The following ARHGAP20 variants were observed in gnomAD, a reference collection of about 807,000 sequenced individuals.
ARHGAP20 encodes Rho GTPase activating protein 20.
In ARHGAP20, 34 loss-of-function variants were observed where a neutral mutation model predicts 73.7. The ratio of observed to expected loss-of-function variants is 0.46; its 90% CI spans 0.35 to 0.61. The LOEUF (loss-of-function observed/expected upper bound fraction) is 0.61, where lower values mean the gene tolerates loss of function less well. Among genes scored for constraint, ARHGAP20 ranks in the 20% least tolerant of loss-of-function variants. The pLI, the probability that ARHGAP20 is intolerant of heterozygous loss-of-function variation, is 0.00. For synonymous variants in ARHGAP20, 523 were observed against 518.2 expected, an observed-to-expected ratio of 1.01 and a Z score of -0.13; for missense variants, 1,314 against 1,420.9, an observed-to-expected ratio of 0.92 and a Z score of 1.21.
chr11:110,652,087 T>C (rs139055411), intron 2 of ARHGAP20, among the ~76,000 whole-genome samples: 237 of 152,260 alleles, frequency 1.6e-3, no homozygotes, highest in African/African-American at 5.1e-3. Flanking sequence ...ATTCAACATA[T>C]GCAAATTGAT....
At chr11:110,671,614 A>G (rs1423585308) in intron 2 of ARHGAP20, among the ~76,000 whole-genome samples, 1 of 152,154 alleles carries the variant, frequency 6.6e-6, no homozygotes, top group East Asian at 1.9e-4. Flanking sequence ...TCTACATTAA[A>G]GCTAATAGAA....
chr11:110,612,496 C>T (rs1948392697), intron 6 of ARHGAP20, among the ~76,000 whole-genome samples: 2 of 151,440 alleles, frequency 1.3e-5, no homozygotes, highest in South Asian at 2.1e-4. Flanking sequence ...CTATAGAGAT[C>T]GCTGAATTCC....
Position 110,703,087 on chromosome 11 carries a change from T to C in ARHGAP20, c.105+9040A>G, listed in dbSNP as rs116470825. Among the ~76,000 whole-genome samples the C allele has an allele frequency of 1.9e-3, 289 of 152,264 alleles. 1 individual carries two copies. Among genetic ancestry groups the C allele is most frequent in the African/African-American group, 6.6e-3 (276 of 41,558 alleles). ...GCTATCACAGCAAGGTTTTGACTACTAGGTAAGCTGAAGCTTCCTGCTATT... is the reference window on the plus strand; with the variant it reads ...GCTATCACAGCAAGGTTTTGACTACCAGGTAAGCTGAAGCTTCCTGCTATT... On this transcript the variant is annotated intron_variant, in intron 1 of 14. Coordinates refer to ENST00000683387, the MANE Select transcript of ARHGAP20 (RefSeq NM_001384657.1).
Position 110,578,949 on chromosome 11 carries a change from A to G in ARHGAP20, c.*421T>C. ...CATTTTTCTTGCCTACTTATTAAAA[A>G]CATTCCATGGAATGTAGATGGTTTC... On this transcript the variant is annotated 3_prime_UTR_variant, in exon 15 of 15. Coordinates refer to ENST00000683387, the MANE Select transcript of ARHGAP20 (RefSeq NM_001384657.1). The G allele has an allele frequency of 3.0e-6, 3 of 987,398 alleles. No individual in the cohort carries two copies. Among genetic ancestry groups the G allele is most frequent in the Non-Finnish European group, 3.6e-6 (3 of 831,224 alleles). The allele number at this position is 987,398 out of a possible 1,614,324, so 61.2% of individuals were successfully genotyped here.
chr11:110,625,874 T>C (rs1050041486), intron 3 of ARHGAP20, among the ~76,000 whole-genome samples: 5 of 152,224 alleles, frequency 3.3e-5, no homozygotes, highest in Non-Finnish European at 5.9e-5. Context: ...AGGTACCTTA[T>C]ATGGAAGTAT....
chr11:110,611,056 C>T (rs1012840629), intron 7 of ARHGAP20, among the ~76,000 whole-genome samples: 2 of 151,916 alleles, frequency 1.3e-5, no homozygotes, highest in South Asian at 2.1e-4. Context: ...TAATAAAATA[C>T]ATATTGTCAC....
chr11:110,577,185 A>G lies in ARHGAP20; in HGVS notation c.*2185T>C. 6.5e-7 allele frequency: 1 copy of G among 1,530,100 alleles called. No homozygotes were observed. Among genetic ancestry groups the G allele is most frequent in the Non-Finnish European group, 8.7e-7 (1 of 1,144,020 alleles). The allele number at this position is 1,530,100 out of a possible 1,614,324, so 94.8% of individuals were successfully genotyped here. On this transcript the variant is annotated 3_prime_UTR_variant, in exon 15 of 15. Transcript: ENST00000683387. ...TACAAAAATACACATTTATTACATA[A>G]CATATGGTAGTAAAATTTGTCAAGA...
chr11:110,578,602 C>T lies in ARHGAP20; in HGVS notation c.*768G>A, dbSNP rs1947348531. The T allele has an allele frequency of 2.0e-5, 20 of 985,382 alleles. No homozygotes were observed. Among genetic ancestry groups the T allele is most frequent in the Non-Finnish European group, 2.4e-5 (20 of 829,924 alleles). The allele number at this position is 985,382 out of a possible 1,614,324, so 61.0% of individuals were successfully genotyped here. On this transcript the variant is annotated 3_prime_UTR_variant, in exon 15 of 15. Coordinates refer to ENST00000683387, the MANE Select transcript of ARHGAP20 (RefSeq NM_001384657.1). ...GAAGAATGTTCCTAGGCAGAGATAC[C>T]TTTGAAAGGGTACTGAAATGGGCAG...
intron 6 of ARHGAP20, among the ~76,000 whole-genome samples, chr11:110,613,330 C>T (rs1948410838): frequency 6.6e-6 from 1 of 152,208 alleles, no homozygotes; most frequent in African/African-American, 2.4e-5. Flanking sequence ...CCCACACATG[C>T]ACTCCTATTT....
chr11:110,583,539 C>T lies in ARHGAP20; in HGVS notation c.1605+9G>A. 6.3e-7 allele frequency: 1 copy of T among 1,583,950 alleles called. No homozygotes were observed. ...TCTCCCAGGGCATAAAAATGAAAAA[C>T]TTCATTACCTTTTTTGTAAATTCGT... On this transcript the variant is annotated intron_variant, in intron 13 of 14. Coordinates refer to ENST00000683387, the MANE Select transcript of ARHGAP20 (RefSeq NM_001384657.1).
intron 2 of ARHGAP20, among the ~76,000 whole-genome samples, chr11:110,638,940 T>C (rs1284536088): frequency 5.9e-5 from 9 of 152,002 alleles, no homozygotes; most frequent in Non-Finnish European, 1.3e-4. Flanking sequence ...ACATGGCACA[T>C]GAATACATAT....
chr11:110,693,776 G>T (rs1012241867), intron 1 of ARHGAP20, among the ~76,000 whole-genome samples: 4 of 151,790 alleles, frequency 2.6e-5, no homozygotes, highest in Non-Finnish European at 4.4e-5. Flanking sequence ...TTCTTTTACA[G>T]GTGTATAATA....
At chr11:110,711,493 C>T (rs1182930548) in intron 1 of ARHGAP20, among the ~76,000 whole-genome samples, 1 of 151,884 alleles carries the variant, frequency 6.6e-6, no homozygotes, top group African/African-American at 2.4e-5. Flanking sequence ...CCACAGTCGC[C>T]CCTCAAACTG....
At chr11:110,692,409 TTC>T (rs1241002120) in intron 1 of ARHGAP20, among the ~76,000 whole-genome samples, 13 of 152,262 alleles carry the variant, frequency 8.5e-5, no homozygotes, top group African/African-American at 3.1e-4. Context: ...TCTATCCTGA[TTC>T]TCTTTACAGG....
At chr11:110,654,344 A>G (rs1386855947) in intron 2 of ARHGAP20, among the ~76,000 whole-genome samples, 2 of 152,196 alleles carry the variant, frequency 1.3e-5, no homozygotes, top group Non-Finnish European at 2.9e-5. Flanking sequence ...TAAAATCATC[A>G]TATTAAAAGT....
intron 1 of ARHGAP20, among the ~76,000 whole-genome samples, chr11:110,697,469 G>C (rs1250494777): frequency 6.6e-6 from 1 of 151,528 alleles, no homozygotes; most frequent in Non-Finnish European, 1.5e-5. Context: ...GTAAGTTCTG[G>C]ATACTAGTCC....
intron 1 of ARHGAP20, among the ~76,000 whole-genome samples, chr11:110,706,344 AT>A (rs1950552339): frequency 6.6e-6 from 1 of 152,132 alleles, no homozygotes; most frequent in South Asian, 2.1e-4. Context: ...TTAGGAAAAA[AT>A]TAACACCTAC....
In ARHGAP20 at chr11:110,592,147, G is replaced by T; in HGVS notation, c.973C>A (p.His325Asn). Residue 325 changes from histidine to asparagine, a missense_variant, in exon 10 of 15, where the codon CAT (histidine) becomes AAT (asparagine). His to Asn is a moderately conservative substitution (Grantham distance 68, BLOSUM62 1). Around this residue, in one of 3 missense-constraint regions of ARHGAP20, gnomAD observed 443 missense variants for 466.4 expected, o/e 0.95. Transcript: ENST00000683387. The part of the protein sequence containing the change: ...AAAQQLSDSG[H>N]KTFKRRRSII... ...GATCTTCTCCTTTTAAATGTCTTAT[G>T]ACCTGAATCTAAGGAAGAAGTGAGC... 1 of 1,611,980 alleles carries T rather than the reference G, an allele frequency of 6.2e-7. No homozygotes were observed. Among genetic ancestry groups the T allele is most frequent in the South Asian group, 1.1e-5 (1 of 90,646 alleles).
intron 2 of ARHGAP20, among the ~76,000 whole-genome samples, chr11:110,683,029 A>G (rs976067113): frequency 6.6e-6 from 1 of 152,280 alleles, no homozygotes; most frequent in East Asian, 1.9e-4. Context: ...TCTTGCAAAC[A>G]GCCCAAACGC....
Sources: allele counts gnomAD v4.1 joint callset (sites outside exome capture counted in the v4.1 genomes callset), GRCh38; gene constraint gnomAD v4.1.1; regional missense constraint gnomAD v4.1.1; transcripts MANE v1.5; gene names NCBI Gene and HGNC (gene_info 2026-07-23, HGNC 2026-07-21).